BNC2: variants seen among roughly 807,000 people sequenced by gnomAD.
The protein encoded by BNC2 is basonuclin zinc finger protein 2, also known as zinc finger protein basonuclin-2.
Under a neutral mutation model 76.3 loss-of-function variants are expected in BNC2, and 20 were observed. That is an observed-to-expected ratio of 0.26 (90% CI 0.18 to 0.38). The LOEUF (loss-of-function observed/expected upper bound fraction) is 0.38. BNC2 is among the 10% of genes least tolerant of loss of function. The pLI, the probability that BNC2 is intolerant of heterozygous loss-of-function variation, is 1.00. For synonymous variants in BNC2, 582 were observed against 514.8 expected (o/e 1.13, Z -1.77); for missense variants, 1,382 against 1,399.8 (o/e 0.99, Z 0.20).
chr9:16,543,639 C>T (rs1330841621), intron 5 of BNC2, among the ~76,000 whole-genome samples: 1 of 152,152 alleles, frequency 6.6e-6, no homozygotes, highest in East Asian at 1.9e-4. Flanking sequence ...GGAATATTTT[C>T]ATTTTAACTC....
intron 3 of BNC2, among the ~76,000 whole-genome samples, chr9:16,584,674 A>G (rs557956681): frequency 6.6e-6 from 1 of 152,340 alleles, no homozygotes; most frequent in South Asian, 2.1e-4. Context: ...TTTGTAGACT[A>G]TAAGGAGAAA....
At chr9:16,648,229 C>G (rs1821690762) in intron 3 of BNC2, among the ~76,000 whole-genome samples, 1 of 152,182 alleles carries the variant, frequency 6.6e-6, no homozygotes, top group African/African-American at 2.4e-5. Flanking sequence ...AAAACGAAAA[C>G]TGCTCCACTA....
intron 1 of BNC2, among the ~76,000 whole-genome samples, chr9:16,746,407 A>G (rs558674912): frequency 2.0e-5 from 3 of 152,090 alleles, no homozygotes; most frequent in Admixed American, 2.0e-4. Context: ...TCTGTCACCA[A>G]GGCTGGAGTG....
In BNC2 at chr9:16,648,538, G is replaced by A. The variant is rs375630916; in HGVS notation, c.331-65453C>T. ...CTCGAAGACTAAGGACCTGGGAGAG[G>A]TGTCACAAGACAAACACTATTCACT... On this transcript the variant is annotated intron_variant, in intron 3 of 6. Coordinates refer to ENST00000380672, the MANE Select transcript of BNC2 (RefSeq NM_017637.6). Among the ~76,000 whole-genome samples the A allele has an allele frequency of 3.3e-5, 5 of 152,194 alleles. No homozygotes were observed. In the East Asian group the frequency reaches 5.8e-4, roughly 18 times the overall value.
intron 3 of BNC2, among the ~76,000 whole-genome samples, chr9:16,596,492 A>G (rs1213659344): frequency 1.3e-5 from 2 of 152,146 alleles, no homozygotes; most frequent in Non-Finnish European, 2.9e-5. Context: ...GAAAATTCGT[A>G]TTTTATTTTT....
intron 3 of BNC2, among the ~76,000 whole-genome samples, chr9:16,696,458 A>C (rs1479094958): frequency 6.6e-6 from 1 of 152,136 alleles, no homozygotes; most frequent in Non-Finnish European, 1.5e-5. Context: ...CTATTTCCTG[A>C]TGCCACTTCT....
intron 5 of BNC2, among the ~76,000 whole-genome samples, chr9:16,487,916 T>C (rs1354588553): frequency 6.6e-6 from 1 of 152,198 alleles, no homozygotes. Flanking sequence ...TATTTTACCA[T>C]AGATGGTGAA....
chr9:16,789,385 G>C (rs1384204262), intron 1 of BNC2, among the ~76,000 whole-genome samples: 1 of 152,070 alleles, frequency 6.6e-6, no homozygotes, highest in Non-Finnish European at 1.5e-5. Context: ...TAATTTAAAA[G>C]AAACTAGGGG....
At chr9:16,531,735 T>G (rs554121044) in intron 5 of BNC2, among the ~76,000 whole-genome samples, 2 of 152,346 alleles carry the variant, frequency 1.3e-5, no homozygotes, top group African/African-American at 2.4e-5. Flanking sequence ...CAAATTTTTC[T>G]TCTTAATCAT....
intron 5 of BNC2, among the ~76,000 whole-genome samples, chr9:16,484,708 C>G (rs1822124787): frequency 6.6e-6 from 1 of 152,194 alleles, no homozygotes. Context: ...TATGTATATA[C>G]CCGATCAAGC....
chr9:16,741,135 AG>A (rs1824836827), intron 1 of BNC2, among the ~76,000 whole-genome samples: 1 of 152,152 alleles, frequency 6.6e-6, no homozygotes, highest in South Asian at 2.1e-4. Context: ...GAAGGAATCG[AG>A]GAGTACTAGA....
chr9:16,597,521 G>C (rs1338862249), intron 3 of BNC2, among the ~76,000 whole-genome samples: 1 of 151,990 alleles, frequency 6.6e-6, no homozygotes, highest in Non-Finnish European at 1.5e-5. Flanking sequence ...CATATGTATA[G>C]CCAGACAAAA....
intron 3 of BNC2, among the ~76,000 whole-genome samples, chr9:16,586,561 A>T (rs536364465): frequency 1.3e-5 from 2 of 152,114 alleles, no homozygotes; most frequent in South Asian, 4.2e-4. Context: ...TGGGCTGTAG[A>T]GACTGACTAT....
intron 5 of BNC2, among the ~76,000 whole-genome samples, chr9:16,480,076 G>A (rs1000687117): frequency 4.6e-5 from 7 of 152,118 alleles, no homozygotes; most frequent in Non-Finnish European, 1.0e-4. Flanking sequence ...TTCAACACAG[G>A]TAACATCATT....
chr9:16,658,808 G>A (rs1025035698), intron 3 of BNC2, among the ~76,000 whole-genome samples: 1 of 152,176 alleles, frequency 6.6e-6, no homozygotes, highest in South Asian at 2.1e-4. Flanking sequence ...GATGTTGAAG[G>A]CACTCTTTCT....
chr9:16,737,950 TTTCTG>T (rs1480134344), intron 2 of BNC2, among the ~76,000 whole-genome samples: 1 of 152,120 alleles, frequency 6.6e-6, no homozygotes, highest in African/African-American at 2.4e-5. Flanking sequence ...TTTGTGCACT[TTTCTG>T]TAAGTATGTT....
intron 5 of BNC2, among the ~76,000 whole-genome samples, chr9:16,516,913 C>G (rs1293138645): frequency 1.3e-5 from 2 of 152,088 alleles, no homozygotes; most frequent in Non-Finnish European, 2.9e-5. Flanking sequence ...TGATTGTGAG[C>G]AAAATAGCAA....
intron 3 of BNC2, among the ~76,000 whole-genome samples, chr9:16,639,880 C>T (rs1821440251): frequency 6.6e-6 from 1 of 151,978 alleles, no homozygotes; most frequent in South Asian, 2.1e-4. Flanking sequence ...TATGATCGCA[C>T]CACTACATTC....
intron 1 of BNC2, among the ~76,000 whole-genome samples, chr9:16,844,285 G>T (rs1034513130): frequency 1.3e-5 from 2 of 151,748 alleles, no homozygotes; most frequent in African/African-American, 4.8e-5. Flanking sequence ...GGGGGCTTAC[G>T]ACTAAATACT....
Sources: allele counts gnomAD v4.1 joint callset (sites outside exome capture counted in the v4.1 genomes callset), GRCh38; gene constraint gnomAD v4.1.1; transcripts MANE v1.5; gene names NCBI Gene and HGNC (gene_info 2026-07-23, HGNC 2026-07-21).